GRIA3: variants seen among roughly 807,000 people sequenced by gnomAD.
GRIA3 encodes the protein glutamate ionotropic receptor AMPA type subunit 3.
GRIA3 carries 3 observed loss-of-function variants against 63.0 expected under a neutral mutation model. The ratio of observed to expected loss-of-function variants is 0.05; its 90% CI spans 0.02 to 0.12. The LOEUF (loss-of-function observed/expected upper bound fraction) is 0.12, where lower values mean the gene tolerates loss of function less well. Ranked by LOEUF, GRIA3 falls within the 10% of genes least tolerant of loss-of-function variation. GRIA3 has a pLI of 1.00. For synonymous variants in GRIA3, 274 were observed against 257.9 expected (o/e 1.06, Z -0.60); for missense variants, 347 against 700.9 (o/e 0.50, Z 5.70).
chrX:123,357,486 A>T (rs905160041), intron 5 of GRIA3, among the ~76,000 whole-genome samples: 3 of 105,737 alleles, frequency 2.8e-5, no homozygotes, highest in Admixed American at 1.1e-4. Context: ...GTTATATGAG[A>T]TATTTTCATA....
chrX:123,454,616 C>T (rs985681843), intron 12 of GRIA3, among the ~76,000 whole-genome samples: 2 of 111,084 alleles, frequency 1.8e-5, no homozygotes, highest in Middle Eastern at 4.6e-3. Context: ...CCACTAGATA[C>T]CAGTAGCACT....
At chrX:123,277,438 G>A (rs1302753773) in intron 3 of GRIA3, among the ~76,000 whole-genome samples, 2 of 111,250 alleles carry the variant, frequency 1.8e-5, no homozygotes, top group Admixed American at 1.9e-4. Flanking sequence ...TAGAAAAAGG[G>A]GTAGGAGTCT....
At chrX:123,476,710 T>A (rs1236610098) in intron 13 of GRIA3, among the ~76,000 whole-genome samples, 1 of 110,919 alleles carries the variant, frequency 9.0e-6, no homozygotes, top group East Asian at 2.8e-4. Flanking sequence ...CCCTGCCAGG[T>A]TTCATAAACC....
chrX:123,219,231 G>A (rs1339570145), intron 2 of GRIA3, among the ~76,000 whole-genome samples: 1 of 112,623 alleles, frequency 8.9e-6, no homozygotes, highest in Non-Finnish European at 1.9e-5. Flanking sequence ...TAAGAAGGCT[G>A]TGTATTTTAC....
chrX:123,284,677 A>G (rs1022221239), intron 3 of GRIA3, among the ~76,000 whole-genome samples: 4 of 111,446 alleles, frequency 3.6e-5, no homozygotes, highest in African/African-American at 6.5e-5. Context: ...TTAATGAAAT[A>G]AAGCGTGAAG....
rs762037821 is a variant in GRIA3, at chrX:123,389,468, CTTT to C, written c.751-5499_751-5497del. On this transcript the variant is annotated intron_variant, in intron 5 of 15. Coordinates refer to ENST00000620443, the MANE Select transcript of GRIA3 (RefSeq NM_007325.5). ...CCCTTTATCATTATGTAATGACCTT[CTTT>C]GTCTCCTTTCACTGTTTTTGACTTA... 1.5e-3 allele frequency among the ~76,000 whole-genome samples: 163 copies of C among 110,783 alleles called. 2 individuals carry two copies. Among genetic ancestry groups the C allele is most frequent in the Admixed American group, 3.1e-3 (32 of 10,383 alleles).
chrX:123,370,018 A>G (rs1350455514), intron 5 of GRIA3, among the ~76,000 whole-genome samples: 1 of 111,957 alleles, frequency 8.9e-6, no homozygotes, highest in African/African-American at 3.2e-5. Context: ...TTCAGTGGAC[A>G]TTTCCACTGC....
intron 3 of GRIA3, among the ~76,000 whole-genome samples, chrX:123,305,361 C>A (rs2044748508): frequency 9.0e-6 from 1 of 111,511 alleles, no homozygotes. Flanking sequence ...AACCCACAAC[C>A]AAATAAATAA....
chrX:123,254,346 T>C (rs1319122486), intron 3 of GRIA3, among the ~76,000 whole-genome samples: 2 of 111,351 alleles, frequency 1.8e-5, no homozygotes, highest in Non-Finnish European at 3.8e-5. Context: ...AGCACACACA[T>C]CATAATTCAT....
At chrX:123,357,699 C>T (rs2045142476) in intron 5 of GRIA3, among the ~76,000 whole-genome samples, 1 of 110,795 alleles carries the variant, frequency 9.0e-6, no homozygotes, top group Admixed American at 9.7e-5. Context: ...GAATGGTAAA[C>T]TGAATCCTAT....
intron 13 of GRIA3, among the ~76,000 whole-genome samples, chrX:123,474,252 T>C (rs2147441088): frequency 8.9e-6 from 1 of 112,586 alleles, no homozygotes; most frequent in African/African-American, 3.2e-5. Context: ...TCTTTGTTCA[T>C]GATAAGGAAT....
chrX:123,298,181 G>A (rs1270590740), intron 3 of GRIA3, among the ~76,000 whole-genome samples: 1 of 111,367 alleles, frequency 9.0e-6, no homozygotes, highest in Non-Finnish European at 1.9e-5. Context: ...TGAATATGCT[G>A]CAATGAACAG....
chrX:123,206,221 C>T (rs1206880121), intron 2 of GRIA3, among the ~76,000 whole-genome samples: 1 of 111,964 alleles, frequency 8.9e-6, no homozygotes, highest in East Asian at 2.8e-4. Flanking sequence ...CATAGAATGC[C>T]ATCCTATTGG....
At chrX:123,224,726 CTA>C (rs1303783669) in intron 2 of GRIA3, among the ~76,000 whole-genome samples, 1 of 111,604 alleles carries the variant, frequency 9.0e-6, no homozygotes. Flanking sequence ...TCAATCCCAC[CTA>C]TCTTACATAT....
intron 12 of GRIA3, among the ~76,000 whole-genome samples, chrX:123,443,258 T>C (rs1384393458): frequency 1.8e-5 from 2 of 112,221 alleles, no homozygotes; most frequent in Non-Finnish European, 3.8e-5. Flanking sequence ...AGAGAAATCA[T>C]GGCCAAAAGC....
At chrX:123,273,455 A>G (rs1242975713) in intron 3 of GRIA3, among the ~76,000 whole-genome samples, 1 of 112,156 alleles carries the variant, frequency 8.9e-6, no homozygotes, top group Non-Finnish European at 1.9e-5. Flanking sequence ...AGAAATAAAA[A>G]AGAGAACCCC....
chrX:123,323,601 G>C (rs1407115081), intron 3 of GRIA3, among the ~76,000 whole-genome samples: 1 of 112,188 alleles, frequency 8.9e-6, no homozygotes, highest in African/African-American at 3.2e-5. Context: ...TGCAGGTGTA[G>C]ACAGATGTGC....
intron 5 of GRIA3, among the ~76,000 whole-genome samples, chrX:123,362,040 C>T (rs2045178641): frequency 1.8e-5 from 2 of 112,193 alleles, no homozygotes; most frequent in Non-Finnish European, 3.8e-5. Flanking sequence ...CCATTTCTTT[C>T]CTTATATCAT....
At chrX:123,283,709 T>A (rs2044600676) in intron 3 of GRIA3, among the ~76,000 whole-genome samples, 1 of 112,492 alleles carries the variant, frequency 8.9e-6, no homozygotes, top group Non-Finnish European at 1.9e-5. Flanking sequence ...TCCCCTTCTC[T>A]GGGCAGGGCA....
Sources: gnomAD v4.1 joint callset for allele counts (sites outside exome capture counted in the v4.1 genomes callset) on GRCh38, gnomAD v4.1.1 for gene constraint, MANE v1.5 for transcripts, NCBI Gene and HGNC (gene_info 2026-07-23, HGNC 2026-07-21) for gene names.